HAGHL: variants seen among roughly 807,000 people sequenced by gnomAD.
The protein encoded by HAGHL is hydroxyacylglutathione hydrolase like, also known as hydroxyacylglutathione hydrolase-like protein.
HAGHL carries 27 observed loss-of-function variants against 29.2 expected under a neutral mutation model. That is an observed-to-expected ratio of 0.92 (90% CI 0.68 to 1.27). The LOEUF (loss-of-function observed/expected upper bound fraction) is 1.27, where lower values mean the gene tolerates loss of function less well. Among genes scored for constraint, HAGHL ranks in the 50% most tolerant of loss-of-function variants. The probability of loss-of-function intolerance (pLI) is 0.00; values close to 1 mark genes in which losing one functional copy is unlikely to be tolerated. For missense variants in HAGHL, 529 were observed against 405.5 expected (o/e 1.30, Z -2.62); for synonymous variants, 223 against 185.7 (o/e 1.20, Z -1.63).
chr16:727,879 C>G (rs528463966), intron 1 of HAGHL, 86 bp from the exon 2 acceptor site: 108 of 1,405,114 alleles, frequency 7.7e-5, no homozygotes, highest in Non-Finnish European at 7.9e-6. Flanking sequence ...TCTGGCCGGC[C>G]TGGGGCAGTG....
At chr16:728,961 G>A (rs371593290) in intron 6 of HAGHL, 48 bp from the exon 7 acceptor site, 136 of 875,204 alleles carry the variant, frequency 1.6e-4, no homozygotes, top group Middle Eastern at 2.5e-4. Flanking sequence ...GGGTGGGGGG[G>A]GCTCTCAGAC....
At chr16:728,761 C>T in intron 5 of HAGHL, 33 bp from the exon 6 acceptor site, 2 of 1,599,288 alleles carry the variant, frequency 1.3e-6, no homozygotes, top group Non-Finnish European at 1.7e-6. Flanking sequence ...GCTTCCTGGC[C>T]GCGTGCGCGC....
chr16:728,610 C>A lies in HAGHL; in HGVS notation c.498+6C>A. On this transcript the variant is annotated splice_donor_region_variant and intron_variant, in intron 5 of 7. Transcript: ENST00000389703. Reference sequence around the variant, plus strand: ...GTACCCTGCCCCCCGAGACGGTGAGCGGGCCTGGGCCCTCCCCTCTTCTCC... The same window carrying A: ...GTACCCTGCCCCCCGAGACGGTGAGAGGGCCTGGGCCCTCCCCTCTTCTCC... 1 of 1,454,698 alleles carries A rather than the reference C, an allele frequency of 6.9e-7. No homozygotes were observed. Among genetic ancestry groups the A allele is most frequent in the African/African-American group, 1.4e-5 (1 of 71,126 alleles). 90.1% of individuals were successfully genotyped at this position (1,454,698 alleles called of 1,614,324 possible). A position where few individuals can be genotyped will look rare whatever the true frequency, so the allele number is the denominator to read the frequency against.
In HAGHL at chr16:728,132, A is replaced by G. The variant is rs1458119003; in HGVS notation, c.187A>G (p.Asn63Asp). 3.4e-6 allele frequency: 5 copies of G among 1,475,890 alleles called. No homozygotes were observed. The highest frequency in any genetic ancestry group is 1.3e-5 in the South Asian group (1 of 74,178). The allele number at this position is 1,475,890 out of a possible 1,614,324, so 91.4% of individuals were successfully genotyped here. The change falls in exon 3 of 8, where the codon AAC (asparagine) becomes GAC (aspartate). Residue 63 changes from asparagine to aspartate, a missense_variant. Asn to Asp is a conservative substitution (Grantham distance 23). Transcript: ENST00000389703. ...CGCCCGCAGGGACCACGCGCGGGGA[A>G]ACCCGGAGCTGGCGCGGCTTCGTCC... is the stretch of plus-strand genomic sequence containing the variant. ...THHHWDHARG[N>D]PELARLRPGL...
At chr16:728,636 C>T (rs767708390) in intron 5 of HAGHL, 32 bp downstream of exon 5, 8 of 1,349,600 alleles carry the variant, frequency 5.9e-6, no homozygotes, top group Non-Finnish European at 8.0e-6. Flanking sequence ...CCTCTTCTCC[C>T]GTGGGCACAG....
rs753301805 is a variant in HAGHL, at chr16:729,450, C to T, written c.843C>T (p.His281=). ...LQWGLLSAAP[H]D ...GGGGGCTCCTGAGTGCAGCCCCACA[C>T]GACTGAGCCACCCAGACCCTCACAG... Residue 281 remains histidine (H), a synonymous_variant, in exon 8 of 8, where the codon CAC becomes CAT. Coordinates refer to ENST00000389703, the MANE Select transcript of HAGHL (RefSeq NM_032304.4). 33 of 1,538,642 alleles carry T rather than the reference C, an allele frequency of 2.1e-5. No individual in the cohort carries two copies. The highest frequency in any genetic ancestry group is 2.5e-5 in the Non-Finnish European group (29 of 1,145,714).
Position 729,482 on chromosome 16 carries a change from G to A in HAGHL, c.*26G>A. ...GCCACCCAGACCCTCACAGGGCTGG[G>A]GCCTGCGTCCCTCCTCGTGACCTCG... On this transcript the variant is annotated 3_prime_UTR_variant, in exon 8 of 8. Transcript: ENST00000389703. 1 of 1,538,582 alleles carries A rather than the reference G, an allele frequency of 6.5e-7. No homozygotes were observed. Among genetic ancestry groups the A allele is most frequent in the Non-Finnish European group, 8.7e-7 (1 of 1,146,282 alleles).
Position 727,187 on chromosome 16 carries a change from T to TG in HAGHL, c.-322dup, listed in dbSNP as rs950234872. On this transcript the variant is annotated 5_prime_UTR_variant, in exon 1 of 8. Coordinates refer to ENST00000389703, the MANE Select transcript of HAGHL (RefSeq NM_032304.4). ...CGCGGCTGTCCCGGGTCAGGGGTCT[T>TG]GCGGCGGCAGGGCGGGGGGCCGAGG... 3.5e-5 allele frequency: 9 copies of TG among 255,216 alleles called. No individual in the cohort carries two copies. Among genetic ancestry groups the TG allele is most frequent in the Non-Finnish European group, 3.7e-5 (5 of 135,834 alleles). The allele number at this position is 255,216 out of a possible 1,614,324, so 15.8% of individuals were successfully genotyped here. A position where few individuals can be genotyped will look rare whatever the true frequency, so the allele number is the denominator to read the frequency against.
chr16:729,155 G>A, intron 7 of HAGHL, 67 bp downstream of exon 7: 1 of 1,586,952 alleles, frequency 6.3e-7, no homozygotes, highest in Non-Finnish European at 8.6e-7. Context: ...TCTGGGGACT[G>A]CGTGTTGGGC....
intron 6 of HAGHL, 54 bp from the exon 7 acceptor site, chr16:728,955 G>C (rs773051526): frequency 2.9e-5 from 29 of 1,004,674 alleles, no homozygotes; most frequent in Admixed American, 1.1e-4. Context: ...GCTTCGGGGT[G>C]GGGGGGGCTC....
In HAGHL at chr16:729,104, G is replaced by T. The variant is rs1465324850; in HGVS notation, c.680+16G>T. The T allele has an allele frequency of 2.5e-6, 4 of 1,606,606 alleles. No individual in the cohort carries two copies. The East Asian group carries it at 8.9e-5, about 36-fold the overall frequency. ...TGCGGGTGGCGTGAGTATGGCTGTT[G>T]TCCCGGGGCCTCCACCGTTACGTGG... On this transcript the variant is annotated intron_variant, in intron 7 of 7. Transcript: ENST00000389703.
chr16:728,497 C>T lies in HAGHL; in HGVS notation c.398-7C>T, dbSNP rs2041180023. Reference sequence around the variant, plus strand: ...CCCATCTGCTCTGACCCGCCCTCCCCCGCCAGGCGACGCGCTGTCGGTGGC... The same window carrying T: ...CCCATCTGCTCTGACCCGCCCTCCCTCGCCAGGCGACGCGCTGTCGGTGGC... On this transcript the variant is annotated splice_region_variant and splice_polypyrimidine_tract_variant and intron_variant, in intron 4 of 7. Coordinates refer to ENST00000389703, the MANE Select transcript of HAGHL (RefSeq NM_032304.4). 2 of 1,528,766 alleles carry T rather than the reference C, an allele frequency of 1.3e-6. No homozygotes were observed. The highest frequency in any genetic ancestry group is 4.0e-5 in the Admixed American group (2 of 50,552). The allele number at this position is 1,528,766 out of a possible 1,614,324, so 94.7% of individuals were successfully genotyped here. A position where few individuals can be genotyped will look rare whatever the true frequency, so the allele number is the denominator to read the frequency against.
chr16:727,409 C>T lies in HAGHL; in HGVS notation c.-101C>T, dbSNP rs530960370. 2.3e-5 allele frequency: 15 copies of T among 645,594 alleles called. No homozygotes were observed. Among genetic ancestry groups the T allele is most frequent in the Non-Finnish European group, 3.8e-5 (14 of 365,782 alleles). 40.0% of individuals were successfully genotyped at this position (645,594 alleles called of 1,614,324 possible). Reference sequence around the variant, plus strand: ...GCGTGTTGACCGAGCCCGCTTCGCACAGCCCTTCCTAGGGTGTGGAGAGCG... The same window carrying T: ...GCGTGTTGACCGAGCCCGCTTCGCATAGCCCTTCCTAGGGTGTGGAGAGCG... On this transcript the variant is annotated 5_prime_UTR_variant, in exon 1 of 8. Transcript: ENST00000389703.
At position 727,533 on chromosome 16, in the gene HAGHL, G is replaced by A; in HGVS notation, c.24G>A (p.Val8=). 3 of 1,611,084 alleles carry A rather than the reference G, an allele frequency of 1.9e-6. No homozygotes were observed. The highest frequency in any genetic ancestry group is 2.5e-6 in the Non-Finnish European group (3 of 1,178,906). MKVKVIP[V]LEDNYMYLVI... ...CCATGAAGGTCAAGGTCATCCCCGT[G>A]CTCGAGGACAACTACATGTACCTGG... Residue 8 remains valine (V), a synonymous_variant, in exon 1 of 8, where the codon GTG becomes GTA. Coordinates refer to ENST00000389703, the MANE Select transcript of HAGHL (RefSeq NM_032304.4).
Position 729,660 on chromosome 16 carries a change from G to A in HAGHL, c.*204G>A. On this transcript the variant is annotated 3_prime_UTR_variant, in exon 8 of 8. Coordinates refer to ENST00000389703, the MANE Select transcript of HAGHL (RefSeq NM_032304.4). Reference sequence around the variant, plus strand: ...CCTGTGTGGGCGCCGAGACCTGGGTGTCTGGGAAGTGGGGCACACGGGGCC... The same window carrying A: ...CCTGTGTGGGCGCCGAGACCTGGGTATCTGGGAAGTGGGGCACACGGGGCC... 1.3e-6 allele frequency: 2 copies of A among 1,511,602 alleles called. No individual in the cohort carries two copies. Among genetic ancestry groups the A allele is most frequent in the South Asian group, 1.2e-5 (1 of 81,346 alleles). 93.6% of individuals were successfully genotyped at this position (1,511,602 alleles called of 1,614,324 possible).
rs1156551387 is a variant in HAGHL at position 728,546 on chromosome 16, G to T, written c.440G>T (p.Gly147Val). 1 of 1,525,994 alleles carries T rather than the reference G, an allele frequency of 6.6e-7. No homozygotes were observed. The highest frequency in any genetic ancestry group is 1.4e-5 in the African/African-American group (1 of 72,836). 94.5% of individuals were successfully genotyped at this position (1,525,994 alleles called of 1,614,324 possible). A position where few individuals can be genotyped will look rare whatever the true frequency, so the allele number is the denominator to read the frequency against. ...GCCGGCTGCGGCTCGTGCCTGGAGG[G>T]CAGCGCCCAGCAGATGTACCAGAGC... is the stretch of plus-strand genomic sequence containing the variant. ...SVAGCGSCLE[G>V]SAQQMYQSLA... Residue 147 changes from glycine to valine, a missense_variant, in exon 5 of 8, where the codon GGC (glycine) becomes GTC (valine). Transcript: ENST00000389703.
At position 727,581 on chromosome 16, in the gene HAGHL, G is replaced by C. The variant is rs200051096; in HGVS notation, c.72G>C (p.Glu24Asp). 1 of 1,611,704 alleles carries C rather than the reference G, an allele frequency of 6.2e-7. No individual in the cohort carries two copies. Among genetic ancestry groups the C allele is most frequent in the African/African-American group, 1.3e-5 (1 of 75,010 alleles). The change falls in exon 1 of 8, where the codon GAG becomes GAC. Residue 24 changes from glutamate (E) to aspartate (D), a missense_variant. Transcript: ENST00000389703. ...TGGTCATCGAGGAGCTCACGCGCGA[G>C]GCGGTGGCCGTGGACGTGGCTGTGC... ...MYLVIEELTR[E>D]AVAVDVAVPK...
In HAGHL at chr16:728,366, C is replaced by A. The variant is rs1567337389; in HGVS notation, c.339C>A (p.Gly113=). ...TCCTGACGCCCGGCCACACCGCCGG[C>A]CACATGAGCTACTTCCTGTGGGAGG... ...RCLLTPGHTA[G]HMSYFLWEDD... The change falls in exon 4 of 8, where the codon GGC becomes GGA. Residue 113 remains glycine (G), a synonymous_variant. Transcript: ENST00000389703. The A allele has an allele frequency of 1.9e-6, 3 of 1,579,454 alleles. No individual in the cohort carries two copies. The highest frequency in any genetic ancestry group is 2.6e-6 in the Non-Finnish European group (3 of 1,166,756).
In HAGHL at chr16:729,555, C is replaced by T; in HGVS notation, c.*99C>T. The T allele has an allele frequency of 3.3e-6, 5 of 1,532,694 alleles. No individual in the cohort carries two copies. Among genetic ancestry groups the T allele is most frequent in the Non-Finnish European group, 3.5e-6 (4 of 1,145,684 alleles). The allele number at this position is 1,532,694 out of a possible 1,614,324, so 94.9% of individuals were successfully genotyped here. A position where few individuals can be genotyped will look rare whatever the true frequency, so the allele number is the denominator to read the frequency against. Reference sequence around the variant, plus strand: ...CCACCTCTGGAACCTTCTTCGAGGCCCTGGCCAGCCATCTGCCCAGCCTCG... The same window carrying T: ...CCACCTCTGGAACCTTCTTCGAGGCTCTGGCCAGCCATCTGCCCAGCCTCG... On this transcript the variant is annotated 3_prime_UTR_variant, in exon 8 of 8. Coordinates refer to ENST00000389703, the MANE Select transcript of HAGHL (RefSeq NM_032304.4).
Sources: gnomAD v4.1 joint callset for allele counts on GRCh38, gnomAD v4.1.1 for gene constraint, MANE v1.5 for transcripts, NCBI Gene and HGNC (gene_info 2026-07-23, HGNC 2026-07-21) for gene names.